The following ZFYVE16 variants were observed in gnomAD, a reference collection of about 807,000 sequenced individuals.
ZFYVE16 encodes the protein zinc finger FYVE domain-containing protein 16.
ZFYVE16 carries 89 observed loss-of-function variants against 138.1 expected under a neutral mutation model. The observed-to-expected ratio is 0.64, with a 90% confidence interval of 0.54 to 0.77. The LOEUF (loss-of-function observed/expected upper bound fraction) is 0.77, where lower values mean the gene tolerates loss of function less well. ZFYVE16 is among the 30% of genes least tolerant of loss of function. ZFYVE16 has a pLI of 0.00. For synonymous variants in ZFYVE16, 596 were observed against 618.3 expected (o/e 0.96, Z 0.53); for missense variants, 1,793 against 1,786.7 (o/e 1.00, Z -0.06).
chr5:80,420,477 G>A (rs1216874520), intron 1 of ZFYVE16, among the ~76,000 whole-genome samples: 1 of 152,032 alleles, frequency 6.6e-6, no homozygotes, highest in Admixed American at 6.6e-5. Context: ...CCTGGTGTGT[G>A]ATGTTCCCCT....
chr5:80,466,523 T>A (rs1344026734), intron 15 of ZFYVE16, among the ~76,000 whole-genome samples: 3 of 152,192 alleles, frequency 2.0e-5, no homozygotes, highest in Admixed American at 2.0e-4. Context: ...TTAGACATAG[T>A]TCCTTTAGTT....
At chr5:80,456,408 A>G in intron 12 of ZFYVE16, 53 bp from the exon 13 acceptor site, 1 of 1,324,578 alleles carries the variant, frequency 7.5e-7, no homozygotes, top group Non-Finnish European at 1.1e-6. Context: ...GATTTAATGG[A>G]TAGAAAAATA....
chr5:80,450,349 A>G (rs979881259), intron 9 of ZFYVE16, 82 bp from the exon 10 acceptor site: 5 of 1,384,294 alleles, frequency 3.6e-6, no homozygotes, highest in Non-Finnish European at 5.0e-6. Context: ...TTGAAAAGTT[A>G]TGTTAAATGC....
intron 14 of ZFYVE16, among the ~76,000 whole-genome samples, chr5:80,459,026 G>A (rs749298352): frequency 6.6e-6 from 1 of 152,204 alleles, no homozygotes; most frequent in South Asian, 2.1e-4. Context: ...CACCTCCTGA[G>A]TTCCAGCAAT....
chr5:80,438,966 A>G lies in ZFYVE16; in HGVS notation c.2281A>G (p.Thr761Ala). 1.2e-6 allele frequency: 2 copies of G among 1,613,244 alleles called. No homozygotes were observed. The highest frequency in any genetic ancestry group is 1.7e-6 in the Non-Finnish European group (2 of 1,179,424). The change falls in exon 4 of 19, where the codon ACT becomes GCT. Residue 761 changes from threonine to alanine, a missense_variant. Physicochemically the swap from Thr to Ala is moderately conservative, Grantham distance 58. Around this residue, in one of 2 missense-constraint regions of ZFYVE16, gnomAD observed 1,295 missense variants for 1,204.3 expected, o/e 1.08. Transcript: ENST00000505560. The stretch of plus-strand genomic sequence containing the variant: ...CTGTATGAACTGCCAAGTCAAATTT[A>G]CTTTTACCAAACGGCGACACCATTG... Reference protein sequence around the residue: ...PNCMNCQVKFTFTKRRHHCRA... With the variant: ...PNCMNCQVKFAFTKRRHHCRA...
intron 13 of ZFYVE16, 55 bp from the exon 14 acceptor site, chr5:80,456,890 C>G (rs1055362691): frequency 2.0e-6 from 3 of 1,537,472 alleles, no homozygotes; most frequent in East Asian, 4.6e-5. Context: ...TTAGAATAGG[C>G]ATATAATATT....
intron 1 of ZFYVE16, among the ~76,000 whole-genome samples, chr5:80,419,931 C>T (rs888013091): frequency 6.6e-6 from 1 of 151,726 alleles, no homozygotes; most frequent in African/African-American, 2.4e-5. Context: ...CCTGCCTCAG[C>T]CTCCTGAGTA....
At chr5:80,434,509 T>C (rs1749588572) in intron 3 of ZFYVE16, among the ~76,000 whole-genome samples, 1 of 152,182 alleles carries the variant, frequency 6.6e-6, no homozygotes. Context: ...CAAAGTCTCA[T>C]TCTGTCTCCC....
chr5:80,481,588 T>C lies in ZFYVE16; in HGVS notation c.*4211T>C, dbSNP rs1389058665. Among the ~76,000 whole-genome samples, 19 of 151,576 alleles carry C rather than the reference T, an allele frequency of 1.3e-4. No homozygotes were observed. ...GTGGCCAGGATGTGTGCTCTGAAAC[T>C]TAACTGAATTGATGGTCTGCTAAAA... is the stretch of plus-strand genomic sequence containing the variant. On this transcript the variant is annotated 3_prime_UTR_variant, in exon 19 of 19. Transcript: ENST00000505560.
intron 2 of ZFYVE16, among the ~76,000 whole-genome samples, chr5:80,432,556 C>G (rs1055530457): frequency 2.0e-5 from 3 of 152,170 alleles, no homozygotes; most frequent in African/African-American, 7.2e-5. Flanking sequence ...GCACCAAAAG[C>G]AATGGCAACA....
intron 2 of ZFYVE16, among the ~76,000 whole-genome samples, chr5:80,430,109 T>A (rs1748768471): frequency 6.6e-6 from 1 of 152,126 alleles, no homozygotes; most frequent in Non-Finnish European, 1.5e-5. Context: ...TCTACCGAAC[T>A]CTCCACCCCA....
intron 1 of ZFYVE16, among the ~76,000 whole-genome samples, chr5:80,416,278 CAA>C (rs1746228307): frequency 1.3e-5 from 1 of 77,730 alleles, no homozygotes; most frequent in African/African-American, 5.0e-5. Flanking sequence ...TTTTTTGAGA[CAA>C]AGTCTCGCTC....
At position 80,477,278 on chromosome 5, in the gene ZFYVE16, T is replaced by C. The variant is rs148022336; in HGVS notation, c.4521T>C (p.Leu1507=). Residue 1507 remains leucine (L), a synonymous_variant, in exon 19 of 19, where the codon CTT becomes CTC. Coordinates refer to ENST00000505560, the MANE Select transcript of ZFYVE16 (RefSeq NM_001284236.3). ...QLLPQHYLND[L]DSALIPVIHG... is the part of the protein sequence containing the mutation. Reference sequence around the variant, plus strand: ...TGCCTCAGCATTATCTAAATGATCTTGATAGTGCTCTGATACCTGTGATCC... The same window carrying C: ...TGCCTCAGCATTATCTAAATGATCTCGATAGTGCTCTGATACCTGTGATCC... 255 of 1,608,648 alleles carry C rather than the reference T, an allele frequency of 1.6e-4. No individual in the cohort carries two copies. The highest frequency in any genetic ancestry group is 2.1e-4 in the Non-Finnish European group (244 of 1,178,434).
Position 80,434,134 on chromosome 5 carries a change from A to C in ZFYVE16, c.-14A>C, listed in dbSNP as rs1749527855. The C allele has an allele frequency of 1.2e-6, 2 of 1,610,110 alleles. No individual in the cohort carries two copies. The highest frequency in any genetic ancestry group is 4.5e-5 in the East Asian group (2 of 44,772). ...GCATACAAGAATTAAATTCTGAATA[A>C]GTCTGCAGGTAGGATGGACAGTTAT... On this transcript the variant is annotated 5_prime_UTR_variant, in exon 3 of 19. Transcript: ENST00000505560.
intron 1 of ZFYVE16, among the ~76,000 whole-genome samples, chr5:80,408,689 T>C (rs1744989798): frequency 6.6e-6 from 1 of 152,270 alleles, no homozygotes; most frequent in Non-Finnish European, 1.5e-5. Flanking sequence ...CCCGCTGCCT[T>C]TCCTTTGGTA....
At chr5:80,414,674 C>A (rs1402823789) in intron 1 of ZFYVE16, among the ~76,000 whole-genome samples, 1 of 151,994 alleles carries the variant, frequency 6.6e-6, no homozygotes, top group African/African-American at 2.4e-5. Context: ...TATAGGTGAA[C>A]AAAAATACAA....
intron 7 of ZFYVE16, among the ~76,000 whole-genome samples, chr5:80,445,976 A>G (rs1429831487): frequency 6.6e-6 from 1 of 151,280 alleles, no homozygotes; most frequent in Non-Finnish European, 1.5e-5. Flanking sequence ...GCTCACTGCA[A>G]CTTCTGCCTC....
chr5:80,416,903 T>C (rs1008604639), intron 1 of ZFYVE16, among the ~76,000 whole-genome samples: 1 of 152,192 alleles, frequency 6.6e-6, no homozygotes. Context: ...CAAGGAGATA[T>C]GTTAGTATAT....
rs375575008 is a variant in ZFYVE16, at chr5:80,444,621, A to T, written c.2582-642A>T. Among the ~76,000 whole-genome samples the T allele has an allele frequency of 3.3e-5, 5 of 152,176 alleles. No individual in the cohort carries two copies. The East Asian group carries it at 7.7e-4, about 23-fold the overall frequency. On this transcript the variant is annotated intron_variant, in intron 6 of 18. Transcript: ENST00000505560. ...TAAAATTCAGTATCCACATTATAAG[A>T]ACAAAAAATGTTATGCTTCTCTTGT...
Sources: allele counts gnomAD v4.1 joint callset (sites outside exome capture counted in the v4.1 genomes callset), GRCh38; gene constraint gnomAD v4.1.1; regional missense constraint gnomAD v4.1.1; transcripts MANE v1.5; gene names NCBI Gene and HGNC (gene_info 2026-07-23, HGNC 2026-07-21).